Variants in FIG4 observed in about 807,000 individuals in gnomAD.
FIG4 encodes the protein FIG4 phosphoinositide 5-phosphatase, also known as polyphosphoinositide phosphatase.
A neutral mutation model predicts 118.6 loss-of-function variants in FIG4; 112 were observed. The observed-to-expected ratio is 0.94, with a 90% CI of 0.81 to 1.11. FIG4 has a LOEUF of 1.11. Among genes scored for constraint, FIG4 ranks in the 50% least tolerant of loss-of-function variants. FIG4 has a pLI of 0.00. For missense variants in FIG4, 969 were observed against 1,111.7 expected, an observed-to-expected ratio of 0.87 and a Z score of 1.83; for synonymous variants, 369 against 381.2, an observed-to-expected ratio of 0.97 and a Z score of 0.37.
chr6:109,701,474 C>A (rs922963103), intron 1 of FIG4, among the ~76,000 whole-genome samples: 3 of 152,148 alleles, frequency 2.0e-5, no homozygotes, highest in African/African-American at 7.2e-5. Context: ...CAATAAGTGA[C>A]CATTTCATAA....
intron 10 of FIG4, among the ~76,000 whole-genome samples, chr6:109,749,093 G>A (rs1319418620): frequency 6.6e-6 from 1 of 150,892 alleles, no homozygotes; most frequent in Non-Finnish European, 1.5e-5. Context: ...GTGTGTGTGT[G>A]TGTGTGTGTG....
chr6:109,716,622 C>G, intron 3 of FIG4, 54 bp downstream of exon 3: 1 of 1,592,716 alleles, frequency 6.3e-7, no homozygotes, highest in Non-Finnish European at 8.6e-7. Context: ...TTTGTCTTCT[C>G]TACATAGACT....
chr6:109,787,813 G>A (rs1206670418), intron 18 of FIG4, among the ~76,000 whole-genome samples: 3 of 152,258 alleles, frequency 2.0e-5, no homozygotes, highest in Non-Finnish European at 4.4e-5. Flanking sequence ...GTTCCTGAGA[G>A]CCTCTGGTCA....
At position 109,735,256 on chromosome 6, in the gene FIG4, G is replaced by GTCA. The variant is rs762036389; in HGVS notation, c.604_605insTCA (p.Asp202delinsValAsn). The GTCA allele has an allele frequency of 6.2e-6, 10 of 1,613,462 alleles. No homozygotes were observed. The East Asian group carries it at 2.2e-4, about 36-fold the overall frequency. ...GACCCAGAATCGCCAAGAGAGCTTT[G>GTCA]ACATCTTTGAAGATGAAGGATTAAT... On this transcript the variant is annotated protein_altering_variant, in exon 6 of 23. Transcript: ENST00000230124.
intron 22 of FIG4, among the ~76,000 whole-genome samples, chr6:109,801,183 C>G (rs1230061373): frequency 6.6e-6 from 1 of 152,120 alleles, no homozygotes; most frequent in Admixed American, 6.5e-5. Context: ...AAATATAATA[C>G]AGTTTGTATA....
intron 22 of FIG4, among the ~76,000 whole-genome samples, chr6:109,807,434 C>T (rs1001969032): frequency 1.3e-5 from 2 of 152,120 alleles, no homozygotes; most frequent in Admixed American, 6.5e-5. Context: ...TGTTCATATC[C>T]TTCTCCCACT....
Position 109,789,480 on chromosome 6 carries a change from T to C in FIG4, c.2097-114T>C, listed in dbSNP as rs1220030283. On this transcript the variant is annotated intron_variant, in intron 18 of 22. Transcript: ENST00000230124. ...TGACAAGTTGGCTCAGAATATGTAA[T>C]ATGTAACTCCTAGAGTTAAGAAGGA... The C allele has an allele frequency of 1.0e-5, 8 of 791,682 alleles. No homozygotes were observed. In the East Asian group the frequency reaches 2.1e-4, roughly 21 times the overall value. The allele number at this position is 791,682 out of a possible 1,614,324, so 49.0% of individuals were successfully genotyped here. A position where few individuals can be genotyped will look rare whatever the true frequency, so the allele number is the denominator to read the frequency against.
chr6:109,711,224 C>T (rs1261322452), intron 1 of FIG4, among the ~76,000 whole-genome samples: 1 of 151,948 alleles, frequency 6.6e-6, no homozygotes, highest in South Asian at 2.1e-4. Context: ...ACGGTGAAAC[C>T]CCGTCTCTAC....
rs564626617 is a variant in FIG4 at position 109,789,858 on chromosome 6, T to C, written c.2180+181T>C. 9.5e-4 allele frequency among the ~76,000 whole-genome samples: 145 copies of C among 152,320 alleles called. 2 individuals carry two copies. Among genetic ancestry groups the C allele is most frequent in the African/African-American group, 2.7e-3 (113 of 41,560 alleles). On this transcript the variant is annotated intron_variant, in intron 19 of 22. Coordinates refer to ENST00000230124, the MANE Select transcript of FIG4 (RefSeq NM_014845.6). ...GGGAGTTTCAGCAATACAGTGCATT[T>C]TATTGTTTTAAATTGGGAATATAAC... is the stretch of plus-strand genomic sequence containing the variant.
In FIG4 at chr6:109,776,965, C is replaced by A. The variant is rs1777638116; in HGVS notation, c.1794C>A (p.Phe598Leu). ...CCATTAATCTCTTCCTGGGAGTTTTCCATCCCACTGAAGGGAAACCTCATC... is the reference window on the plus strand; with the variant it reads ...CCATTAATCTCTTCCTGGGAGTTTTACATCCCACTGAAGGGAAACCTCATC... Reference protein sequence around the residue: ...QDSINLFLGVFHPTEGKPHLW... With the variant: ...QDSINLFLGVLHPTEGKPHLW... The change falls in exon 16 of 23, where the codon TTC becomes TTA. Residue 598 changes from phenylalanine to leucine, a missense_variant. By Grantham distance (22) the Phe-to-Leu change is conservative (BLOSUM62 0). Coordinates refer to ENST00000230124, the MANE Select transcript of FIG4 (RefSeq NM_014845.6). 1.2e-6 allele frequency: 2 copies of A among 1,613,344 alleles called. No individual in the cohort carries two copies. Among genetic ancestry groups the A allele is most frequent in the Non-Finnish European group, 1.7e-6 (2 of 1,179,432 alleles).
chr6:109,825,006 C>T, intron 22 of FIG4, 82 bp from the exon 23 acceptor site: 1 of 1,327,750 alleles, frequency 7.5e-7, no homozygotes, highest in Non-Finnish European at 1.1e-6. Context: ...GCCAGCGACT[C>T]TCAAGTGCTT....
intron 4 of FIG4, among the ~76,000 whole-genome samples, chr6:109,731,425 T>C (rs1368339206): frequency 6.6e-6 from 1 of 152,184 alleles, no homozygotes; most frequent in Non-Finnish European, 1.5e-5. Flanking sequence ...AGTGGAGAAC[T>C]AGGAAGAACC....
intron 22 of FIG4, 30 bp from the exon 23 acceptor site, chr6:109,825,058 T>A (rs1562704163): frequency 8.7e-6 from 14 of 1,604,208 alleles, no homozygotes; most frequent in Non-Finnish European, 1.2e-5. Flanking sequence ...TTTTCTTTAA[T>A]GCAGCCCTCT....
Position 109,785,014 on chromosome 6 carries a change from T to G in FIG4, c.1934T>G (p.Leu645Trp), listed in dbSNP as rs753238948. 2 of 1,570,830 alleles carry G rather than the reference T, an allele frequency of 1.3e-6. No homozygotes were observed. The highest frequency in any genetic ancestry group is 1.7e-5 in the Admixed American group (1 of 59,976). ...WTPEVIKHLP[L>W]PYDEVICAVN... Reference sequence around the variant, plus strand: ...CCAGAGGTGATAAAGCATTTACCATTGCCCTATGATGAAGGTAGGTAACTG... The same window carrying G: ...CCAGAGGTGATAAAGCATTTACCATGGCCCTATGATGAAGGTAGGTAACTG... The change falls in exon 17 of 23, where the codon TTG (leucine) becomes TGG (tryptophan). Residue 645 changes from leucine (L) to tryptophan (W), a missense_variant. This residue lies in a region of FIG4 where 330 missense variants were observed against 348.1 expected (regional missense o/e 0.95). Transcript: ENST00000230124.
intron 16 of FIG4, among the ~76,000 whole-genome samples, chr6:109,783,663 C>T (rs1467179735): frequency 6.6e-6 from 1 of 152,194 alleles, no homozygotes; most frequent in Non-Finnish European, 1.5e-5. Context: ...GCAGCCTTAT[C>T]CTTGCTCTGT....
At chr6:109,713,197 T>G (rs1472994045) in intron 1 of FIG4, among the ~76,000 whole-genome samples, 2 of 152,134 alleles carry the variant, frequency 1.3e-5, no homozygotes, top group Non-Finnish European at 2.9e-5. Flanking sequence ...CGGTGGGATA[T>G]GTCCTCATTC....
In FIG4 at chr6:109,762,215, T is replaced by A. The variant is rs1255543487; in HGVS notation, c.1388+8T>A. 7 of 1,500,704 alleles carry A rather than the reference T, an allele frequency of 4.7e-6. No homozygotes were observed. The highest frequency in any genetic ancestry group is 5.6e-6 in the Non-Finnish European group (6 of 1,076,582). The allele number at this position is 1,500,704 out of a possible 1,614,324, so 93.0% of individuals were successfully genotyped here. The stretch of plus-strand genomic sequence containing the variant: ...TTTGCGGCCAGATGAAAAGTATGTA[T>A]GGTATTTTAAAACTTATAATAAATG... On this transcript the variant is annotated splice_region_variant and intron_variant, in intron 12 of 22. Transcript: ENST00000230124.
Position 109,727,018 on chromosome 6 carries a change from A to G in FIG4, c.290-91A>G, listed in dbSNP as rs1583654890. On this transcript the variant is annotated intron_variant, in intron 3 of 22. Transcript: ENST00000230124. The stretch of plus-strand genomic sequence containing the variant: ...AATCATAGAAATAATAAAGTGAGAA[A>G]TGTATCAAAGGTCTTTGGCCTTTTA... 6 of 953,620 alleles carry G rather than the reference A, an allele frequency of 6.3e-6. No homozygotes were observed. In the East Asian group the frequency reaches 9.6e-5, roughly 15 times the overall value. 59.1% of individuals were successfully genotyped at this position (953,620 alleles called of 1,614,324 possible). A position where few individuals can be genotyped will look rare whatever the true frequency, so the allele number is the denominator to read the frequency against.
At chr6:109,705,583 A>G (rs1775042932) in intron 1 of FIG4, among the ~76,000 whole-genome samples, 2 of 152,172 alleles carry the variant, frequency 1.3e-5, no homozygotes, top group African/African-American at 4.8e-5. Context: ...TGATTCATGG[A>G]TTCTTTGGAA....
Sources: gnomAD v4.1 joint callset for allele counts (sites outside exome capture counted in the v4.1 genomes callset) on GRCh38, gnomAD v4.1.1 for gene constraint, gnomAD v4.1.1 regional missense constraint, MANE v1.5 for transcripts, NCBI Gene and HGNC (gene_info 2026-07-23, HGNC 2026-07-21) for gene names.